TBC1D19: variants seen among roughly 807,000 people sequenced by gnomAD.
TBC1D19 encodes the protein TBC1 domain family, member 19.
In TBC1D19, 60 loss-of-function variants were observed where a neutral mutation model predicts 89.0. The observed-to-expected ratio is 0.67, with a 90% CI of 0.55 to 0.84. The LOEUF is 0.84. TBC1D19 is among the 40% of genes least tolerant of loss of function. The pLI is 0.00. For synonymous variants in TBC1D19, 189 were observed against 199.7 expected, an observed-to-expected ratio of 0.95 and a Z score of 0.45; for missense variants, 500 against 610.8, an observed-to-expected ratio of 0.82 and a Z score of 1.91.
At chr4:26,596,869 A>C (rs1740256546) in intron 1 of TBC1D19, among the ~76,000 whole-genome samples, 1 of 152,194 alleles carries the variant, frequency 6.6e-6, no homozygotes, top group African/African-American at 2.4e-5. Context: ...TTTGAAGTAT[A>C]TTGCTTAATT....
the TBC1D19 span, among the ~76,000 whole-genome samples, chr4:26,816,130 A>G: frequency 3.3e-5 from 5 of 152,218 alleles, no homozygotes; most frequent in African/African-American, 1.2e-4. Flanking sequence ...AAAGGCAGTC[A>G]CAGACACTAG....
chr4:26,781,831 A>G, the TBC1D19 span, among the ~76,000 whole-genome samples: 64,288 of 151,366 alleles, frequency 0.42, 15,182 homozygotes, highest in East Asian at 0.58. Flanking sequence ...ATTCAGGATT[A>G]GGCAAATGTT....
chr4:26,745,081 G>A (rs1718575102), intron 18 of TBC1D19, among the ~76,000 whole-genome samples: 2 of 151,944 alleles, frequency 1.3e-5, no homozygotes, highest in African/African-American at 2.4e-5. Flanking sequence ...ATTATATAAT[G>A]TCCTGTTTTA....
At chr4:26,699,572 A>G (rs1181533648) in intron 13 of TBC1D19, among the ~76,000 whole-genome samples, 3 of 152,200 alleles carry the variant, frequency 2.0e-5, no homozygotes, top group African/African-American at 7.2e-5. Context: ...ACATATGTTT[A>G]TTGCGGCACT....
intron 7 of TBC1D19, 90 bp downstream of exon 7, chr4:26,640,277 G>T: frequency 9.0e-7 from 1 of 1,109,992 alleles, no homozygotes; most frequent in South Asian, 1.4e-5. Flanking sequence ...AGAGGGATTA[G>T]CATGTAAAAA....
At chr4:26,801,244 G>A in the TBC1D19 span, among the ~76,000 whole-genome samples, 1 of 151,908 alleles carries the variant, frequency 6.6e-6, no homozygotes, top group Non-Finnish European at 1.5e-5. Context: ...AGTTTTCCCA[G>A]TACCATTTAT....
the TBC1D19 span, among the ~76,000 whole-genome samples, chr4:26,780,577 GCCCAAGACCA>G: frequency 2.6e-5 from 4 of 152,156 alleles, no homozygotes; most frequent in Non-Finnish European, 5.9e-5. Flanking sequence ...TCAACAAACT[GCCCAAGACCA>G]GTGTCCCAGC....
chr4:26,651,762 G>T (rs537856404), intron 7 of TBC1D19, among the ~76,000 whole-genome samples: 1 of 152,242 alleles, frequency 6.6e-6, no homozygotes, highest in East Asian at 1.9e-4. Context: ...GAATAGGAGT[G>T]GTGAGAGAGG....
intron 7 of TBC1D19, among the ~76,000 whole-genome samples, chr4:26,654,742 C>G (rs1296277474): frequency 6.6e-6 from 1 of 152,130 alleles, no homozygotes; most frequent in Non-Finnish European, 1.5e-5. Context: ...CCTTTAAGGA[C>G]TTCTCTGCAT....
the TBC1D19 span, among the ~76,000 whole-genome samples, chr4:26,825,452 C>T: frequency 0.012 from 1,764 of 152,192 alleles, 12 homozygotes; most frequent in Middle Eastern, 0.048. Context: ...AAGGGCATGC[C>T]TCATTAGTCA....
intron 1 of TBC1D19, among the ~76,000 whole-genome samples, chr4:26,601,114 A>G (rs9714900): frequency 1.4e-5 from 2 of 146,824 alleles, no homozygotes; most frequent in Admixed American, 1.4e-4. Context: ...TATATATTTT[A>G]TATATATTGT....
chr4:26,790,739 T>C, the TBC1D19 span, among the ~76,000 whole-genome samples: 12 of 152,336 alleles, frequency 7.9e-5, no homozygotes, highest in South Asian at 2.5e-3. Context: ...CATTTATTAG[T>C]ACTTTCCTAT....
chr4:26,785,748 T>C, the TBC1D19 span, among the ~76,000 whole-genome samples: 1 of 152,328 alleles, frequency 6.6e-6, no homozygotes, highest in African/African-American at 2.4e-5. Context: ...TCTGTTCATA[T>C]ATGTGAACAG....
chr4:26,816,918 A>G, the TBC1D19 span, among the ~76,000 whole-genome samples: 1 of 152,192 alleles, frequency 6.6e-6, no homozygotes, highest in Non-Finnish European at 1.5e-5. Context: ...AAATTTTTTT[A>G]AAGTTAAAAA....
intron 12 of TBC1D19, among the ~76,000 whole-genome samples, chr4:26,687,761 A>G (rs935228927): frequency 3.9e-5 from 6 of 152,164 alleles, no homozygotes; most frequent in Non-Finnish European, 8.8e-5. Flanking sequence ...CATAGAAATC[A>G]TTAAGGTAGA....
chr4:26,823,237 T>C, the TBC1D19 span, among the ~76,000 whole-genome samples: 1 of 152,180 alleles, frequency 6.6e-6, no homozygotes, highest in Admixed American at 6.5e-5. Context: ...TTATTCACTA[T>C]TGCAAGAACA....
At chr4:26,720,503 A>G (rs1716904562) in intron 15 of TBC1D19, among the ~76,000 whole-genome samples, 1 of 152,130 alleles carries the variant, frequency 6.6e-6, no homozygotes, top group African/African-American at 2.4e-5. Flanking sequence ...TTGTTCTCAT[A>G]ATTTGACCAA....
In TBC1D19 at chr4:26,659,723, TAAAAA is replaced by T; in HGVS notation, c.591+17_591+21del. On this transcript the variant is annotated intron_variant, in intron 8 of 20. Transcript: ENST00000264866. ...CCCTGAATTGGTAAGTATAGAAACT[TAAAAA>T]TAAACATCATTTAGAAGATAACCAT... 1 of 1,484,324 alleles carries T rather than the reference TAAAAA, an allele frequency of 6.7e-7. No individual in the cohort carries two copies. The highest frequency in any genetic ancestry group is 9.2e-7 in the Non-Finnish European group (1 of 1,083,016). The allele number at this position is 1,484,324 out of a possible 1,614,324, so 91.9% of individuals were successfully genotyped here. A position where few individuals can be genotyped will look rare whatever the true frequency, so the allele number is the denominator to read the frequency against.
intron 13 of TBC1D19, among the ~76,000 whole-genome samples, chr4:26,704,610 C>G (rs1715588403): frequency 6.6e-6 from 1 of 151,884 alleles, no homozygotes; most frequent in Non-Finnish European, 1.5e-5. Context: ...GTGTTAGGTG[C>G]TAGCAAAAGA....
Sources: gnomAD v4.1 joint callset for allele counts (sites outside exome capture counted in the v4.1 genomes callset) on GRCh38, gnomAD v4.1.1 for gene constraint, MANE v1.5 for transcripts, NCBI Gene and HGNC (gene_info 2026-07-23, HGNC 2026-07-21) for gene names.